The following ADGRF1 variants were observed in gnomAD, a reference collection of about 807,000 sequenced individuals.
ADGRF1 encodes adhesion G protein-coupled receptor F1, also known as G protein-coupled receptor 110.
In ADGRF1, 85 loss-of-function variants were observed where a neutral mutation model predicts 87.2. The observed-to-expected ratio is 0.97, with a 90% confidence interval of 0.82 to 1.17. The LOEUF is 1.17. Ranked by LOEUF, ADGRF1 falls within the 50% of genes most tolerant of loss-of-function variation. The pLI, the probability that ADGRF1 is intolerant of heterozygous loss-of-function variation, is 0.00. For synonymous variants in ADGRF1, 430 were observed against 408.8 expected (o/e 1.05, Z -0.63); for missense variants, 1,169 against 1,077.2 (o/e 1.09, Z -1.19).
intron 1 of ADGRF1, 129 bp from the exon 2 acceptor site, chr6:47,029,233 C>G (rs1172034128): frequency 1.7e-6 from 1 of 596,844 alleles, no homozygotes; most frequent in African/African-American, 1.9e-5. Flanking sequence ...TGTTTCCACT[C>G]CACGGAACCT....
intron 8 of ADGRF1, 59 bp downstream of exon 8, chr6:47,016,558 A>G (rs1779884186): frequency 7.1e-6 from 10 of 1,403,978 alleles, no homozygotes; most frequent in Non-Finnish European, 9.4e-6. Flanking sequence ...GAGGACACAA[A>G]TGAACTACTA....
At chr6:47,015,246 A>C (rs951196075) in intron 8 of ADGRF1, among the ~76,000 whole-genome samples, 4 of 152,246 alleles carry the variant, frequency 2.6e-5, no homozygotes, top group African/African-American at 9.6e-5. Flanking sequence ...GTTATGGTTA[A>C]AAGATGGGCA....
At chr6:47,036,187 G>A (rs757224436) in intron 1 of ADGRF1, among the ~76,000 whole-genome samples, 24 of 151,920 alleles carry the variant, frequency 1.6e-4, no homozygotes, top group Non-Finnish European at 2.9e-4. Flanking sequence ...CCAAGATCGC[G>A]CCACTGCACT....
chr6:47,015,606 G>T lies in ADGRF1; in HGVS notation c.764-762C>A, dbSNP rs1278554433. On this transcript the variant is annotated intron_variant, in intron 8 of 14. Coordinates refer to ENST00000371253, the MANE Select transcript of ADGRF1 (RefSeq NM_153840.4). Reference sequence around the variant, plus strand: ...TTTATTTATTTATTTATTTATTTTTGTAACAGAGTCTCGCTCTGTCACCCA... The same window carrying T: ...TTTATTTATTTATTTATTTATTTTTTTAACAGAGTCTCGCTCTGTCACCCA... 3.9e-5 allele frequency among the ~76,000 whole-genome samples: 5 copies of T among 127,384 alleles called. No individual in the cohort carries two copies. In the East Asian group the frequency reaches 1.3e-3, roughly 33 times the overall value. 83.6% of individuals were successfully genotyped at this position (127,384 alleles called of 152,430 possible).
At position 47,000,689 on chromosome 6, in the gene ADGRF1, A is replaced by C. The variant is rs559108187; in HGVS notation, c.2660-394T>G. 2.0e-5 allele frequency among the ~76,000 whole-genome samples: 3 copies of C among 152,318 alleles called. No homozygotes were observed. In the South Asian group the frequency reaches 6.2e-4, roughly 32 times the overall value. ...AGCTGACTGGTGGCAATAACAACAG[A>C]ACCCAAGGGTCCGGGACAAGCACAT... On this transcript the variant is annotated intron_variant, in intron 14 of 14. Transcript: ENST00000371253.
Position 46,999,966 on chromosome 6 carries a change from CG to C in ADGRF1, c.*255del, listed in dbSNP as rs1779315978. 1 of 385,146 alleles carries C rather than the reference CG, an allele frequency of 2.6e-6. No homozygotes were observed. The highest frequency in any genetic ancestry group is 3.8e-5 in the South Asian group (1 of 26,432). The allele number at this position is 385,146 out of a possible 1,614,324, so 23.9% of individuals were successfully genotyped here. A position where few individuals can be genotyped will look rare whatever the true frequency, so the allele number is the denominator to read the frequency against. The stretch of plus-strand genomic sequence containing the variant: ...TTTTATGGTCAGGGTACAACTGACA[CG>C]ATTTCCAACAAAACCTACTCTTCTG... On this transcript the variant is annotated 3_prime_UTR_variant, in exon 15 of 15. Transcript: ENST00000371253.
chr6:47,009,421 A>G lies in ADGRF1; in HGVS notation c.2014T>C (p.Phe672Leu). Residue 672 changes from phenylalanine (F) to leucine (L), a missense_variant, in exon 11 of 15, where the codon TTC (phenylalanine) becomes CTC (leucine). Coordinates refer to ENST00000371253, the MANE Select transcript of ADGRF1 (RefSeq NM_153840.4). ...ATGCCAAGCATGAGCATCCAGAAGA[A>G]CAAAGAGAGGTAGAAGAAGTGTGTA... ...FFTHFFYLSL[F>L]FWMLMLGILL... 1 of 1,613,984 alleles carries G rather than the reference A, an allele frequency of 6.2e-7. No homozygotes were observed. The highest frequency in any genetic ancestry group is 8.5e-7 in the Non-Finnish European group (1 of 1,179,958).
At position 47,010,532 on chromosome 6, in the gene ADGRF1, C is replaced by T. The variant is rs1779675035; in HGVS notation, c.1117-214G>A. Among the ~76,000 whole-genome samples the T allele has an allele frequency of 2.0e-5, 3 of 152,308 alleles. No individual in the cohort carries two copies. The South Asian group carries it at 6.2e-4, about 32-fold the overall frequency. The stretch of plus-strand genomic sequence containing the variant: ...TGGGTCAGCAGAATCATGTAAGTCC[C>T]AGGGTGATCACCCCAGAGCATCTGT... On this transcript the variant is annotated intron_variant, in intron 10 of 14. Coordinates refer to ENST00000371253, the MANE Select transcript of ADGRF1 (RefSeq NM_153840.4).
In ADGRF1 at chr6:47,027,772, G is replaced by GAA. The variant is rs3842121; in HGVS notation, c.70-13_70-12dup. ...GATGCCATCATTTTTCTGTTAAAAA[G>GAA]AAAAAAAATAGTTACGGTGAGACTT... On this transcript the variant is annotated splice_polypyrimidine_tract_variant and intron_variant, in intron 2 of 14. Transcript: ENST00000371253. 296 of 1,410,718 alleles carry GAA rather than the reference G, an allele frequency of 2.1e-4. No individual in the cohort carries two copies. Among genetic ancestry groups the GAA allele is most frequent in the Non-Finnish European group, 2.4e-4 (242 of 998,654 alleles). 87.4% of individuals were successfully genotyped at this position (1,410,718 alleles called of 1,614,324 possible).
At chr6:47,000,980 G>A (rs528767554) in intron 14 of ADGRF1, among the ~76,000 whole-genome samples, 6 of 152,270 alleles carry the variant, frequency 3.9e-5, no homozygotes, top group East Asian at 1.9e-4. Context: ...TTTAGTAACC[G>A]CCAATCAATG....
intron 1 of ADGRF1, among the ~76,000 whole-genome samples, chr6:47,040,940 T>C (rs1197194761): frequency 1.3e-5 from 2 of 152,082 alleles, no homozygotes; most frequent in African/African-American, 4.8e-5. Flanking sequence ...TTTTAAGAAA[T>C]TTACTCTACT....
In ADGRF1 at chr6:47,009,837, T is replaced by C; in HGVS notation, c.1598A>G (p.His533Arg). The part of the protein sequence containing the change: ...SKIESNLSQP[H>R]CVFWDFSHLQ... ...ATGACTGAAATCCCAAAACACACAA[T>C]GAGGCTGGCTCAGGTTTGACTCTAT... Residue 533 changes from histidine (H) to arginine (R), a missense_variant, in exon 11 of 15, where the codon CAT becomes CGT. His to Arg is a conservative substitution (Grantham distance 29). Transcript: ENST00000371253. 6.2e-7 allele frequency: 1 copy of C among 1,613,972 alleles called. No homozygotes were observed. The highest frequency in any genetic ancestry group is 8.5e-7 in the Non-Finnish European group (1 of 1,179,938).
At chr6:47,020,176 C>T (rs1780002712) in intron 7 of ADGRF1, 2 of 1,158,912 alleles carry the variant, frequency 1.7e-6, no homozygotes, top group South Asian at 4.2e-5. Flanking sequence ...CACTGACCCA[C>T]AGTTTTGAGA....
In ADGRF1 at chr6:47,009,987, G is replaced by C; in HGVS notation, c.1448C>G (p.Ala483Gly). Residue 483 changes from alanine (A) to glycine (G), a missense_variant, in exon 11 of 15, where the codon GCC (alanine) becomes GGC (glycine). Physicochemically the swap from Ala to Gly is moderately conservative, Grantham distance 60. Transcript: ENST00000371253. ...TAGAATGTTCCCCAGAGTCAACGAG[G>C]CCATGCTGATAATAGTTTCTGGAAG... is the stretch of plus-strand genomic sequence containing the variant. ...RSLPETIISM[A>G]SLTLGNILPV... 1.2e-6 allele frequency: 2 copies of C among 1,614,140 alleles called. No homozygotes were observed. The highest frequency in any genetic ancestry group is 8.5e-7 in the Non-Finnish European group (1 of 1,180,002).
chr6:47,001,133 G>C (rs1375698987), intron 14 of ADGRF1, among the ~76,000 whole-genome samples: 1 of 152,254 alleles, frequency 6.6e-6, no homozygotes, highest in East Asian at 1.9e-4. Context: ...CGTGCCCACT[G>C]CTTGGCAGCT....
intron 9 of ADGRF1, 150 bp downstream of exon 9, chr6:47,014,531 G>C: frequency 7.0e-7 from 1 of 1,429,600 alleles, no homozygotes; most frequent in Non-Finnish European, 9.1e-7. Context: ...GACTCCACGG[G>C]TTCACCAGGG....
Position 47,016,607 on chromosome 6 carries a change from C to A in ADGRF1, c.763+10G>T, listed in dbSNP as rs367963295. ...CTTAACCTAAGCAGAGGATGGGAAT[C>A]CAGCATTACCTTTTCCGAACACTCT... On this transcript the variant is annotated intron_variant, in intron 8 of 14. Transcript: ENST00000371253. The A allele has an allele frequency of 3.5e-5, 56 of 1,586,496 alleles. No homozygotes were observed. The highest frequency in any genetic ancestry group is 4.6e-5 in the Non-Finnish European group (53 of 1,160,672).
rs781347556 is a variant in ADGRF1 at position 47,025,844 on chromosome 6, G to A, written c.277+10C>T. 2 of 1,570,670 alleles carry A rather than the reference G, an allele frequency of 1.3e-6. No individual in the cohort carries two copies. Among genetic ancestry groups the A allele is most frequent in the Non-Finnish European group, 8.7e-7 (1 of 1,152,438 alleles). The stretch of plus-strand genomic sequence containing the variant: ...CCATTTATACATCCAGTCACCGAGA[G>A]CCACCTTACCTGTGGTAGCCTTTGC... On this transcript the variant is annotated intron_variant, in intron 4 of 14. Transcript: ENST00000371253.
rs1029177635 is a variant in ADGRF1, at chr6:47,027,630, G to C, written c.127+74C>G. ...GCCTAGGATCATACAACCAGTCAGG[G>C]GCACCGCTGGGATTAGAAACCTGGT... is the stretch of plus-strand genomic sequence containing the variant. On this transcript the variant is annotated intron_variant, in intron 3 of 14. Coordinates refer to ENST00000371253, the MANE Select transcript of ADGRF1 (RefSeq NM_153840.4). 16 of 917,484 alleles carry C rather than the reference G, an allele frequency of 1.7e-5. No individual in the cohort carries two copies. Among genetic ancestry groups the C allele is most frequent in the South Asian group, 1.4e-4 (10 of 70,864 alleles). 56.8% of individuals were successfully genotyped at this position (917,484 alleles called of 1,614,324 possible).
Sources: gnomAD v4.1 joint callset for allele counts (sites outside exome capture counted in the v4.1 genomes callset) on GRCh38, gnomAD v4.1.1 for gene constraint, MANE v1.5 for transcripts, NCBI Gene and HGNC (gene_info 2026-07-23, HGNC 2026-07-21) for gene names.